The following AJAP1 variants were observed in gnomAD, a reference collection of about 807,000 sequenced individuals.
The protein encoded by AJAP1 is adherens junctions associated protein 1.
Under a neutral mutation model 35.0 loss-of-function variants are expected in AJAP1, and 5 were observed. The observed-to-expected ratio is 0.14, with a 90% CI of 0.07 to 0.30. The LOEUF is 0.30. AJAP1 is among the 10% of genes least tolerant of loss of function. The pLI is 1.00. For missense variants in AJAP1, 586 were observed against 571.0 expected (o/e 1.03, Z -0.27); for synonymous variants, 284 against 249.3 (o/e 1.14, Z -1.31).
Position 4,655,853 on chromosome 1 carries a change from C to A in AJAP1, c.29+399C>A, listed in dbSNP as rs1029404924. 6.6e-6 allele frequency among the ~76,000 whole-genome samples: 1 copy of A among 150,726 alleles called. No individual in the cohort carries two copies. The highest frequency in any genetic ancestry group is 2.4e-5 in the African/African-American group (1 of 41,248). ...CGGCGGGCGCGGGGGCCGGGGCTGC[C>A]GGGGAAAGCTAAAGCTCCGGGCTCC... On this transcript the variant is annotated intron_variant, in intron 1 of 5. Coordinates refer to ENST00000378191, the MANE Select transcript of AJAP1 (RefSeq NM_018836.4). This position sits in a 1 kb window ranked among gnomAD's most constrained non-coding sequence, Gnocchi z 6.9.
At chr1:4,728,970 C>T (rs1304794589) in intron 2 of AJAP1, among the ~76,000 whole-genome samples, 1 of 152,204 alleles carries the variant, frequency 6.6e-6, no homozygotes, top group African/African-American at 2.4e-5. Flanking sequence ...TTTCCATTAT[C>T]CCCTGAGGCT....
chr1:4,756,381 G>A (rs1168949699), intron 2 of AJAP1, among the ~76,000 whole-genome samples: 1 of 152,192 alleles, frequency 6.6e-6, no homozygotes, highest in East Asian at 1.9e-4. Context: ...GTGTGCGGTA[G>A]TCTCATGGCA....
At chr1:4,752,483 C>T (rs896967102) in intron 2 of AJAP1, among the ~76,000 whole-genome samples, 3 of 152,030 alleles carry the variant, frequency 2.0e-5, no homozygotes, top group South Asian at 2.1e-4. Flanking sequence ...CGCAATCTTA[C>T]GAGCTATGGG....
chr1:4,707,916 T>C (rs66885749), intron 1 of AJAP1, among the ~76,000 whole-genome samples: 18,423 of 150,114 alleles, frequency 0.12, 1,288 homozygotes, highest in Middle Eastern at 0.18. Flanking sequence ...TCATGTTCTC[T>C]GTCTTTCTGC....
At chr1:4,733,185 A>G (rs528600193) in intron 2 of AJAP1, among the ~76,000 whole-genome samples, 1 of 151,730 alleles carries the variant, frequency 6.6e-6, no homozygotes, top group Admixed American at 6.6e-5. Context: ...AGGTAGCAGA[A>G]CCCCCAGGGC....
intron 1 of AJAP1, among the ~76,000 whole-genome samples, chr1:4,694,656 C>A (rs1639818242): frequency 6.6e-6 from 1 of 152,214 alleles, no homozygotes; most frequent in African/African-American, 2.4e-5. Flanking sequence ...CCTTGGTGGG[C>A]AGGTGGAGGT....
intron 1 of AJAP1, among the ~76,000 whole-genome samples, chr1:4,673,906 C>T (rs1232560182): frequency 2.6e-5 from 4 of 151,810 alleles, no homozygotes; most frequent in African/African-American, 9.7e-5. Flanking sequence ...TGAATTGAAC[C>T]TCATTACTCC....
chr1:4,661,128 G>C (rs1638989493), intron 1 of AJAP1, among the ~76,000 whole-genome samples: 1 of 152,208 alleles, frequency 6.6e-6, no homozygotes, highest in South Asian at 2.1e-4. Context: ...TAAAAGAACT[G>C]GGGGCTGGGG....
chr1:4,712,817 A>C, intron 2 of AJAP1, 118 bp downstream of exon 2: 3 of 1,102,894 alleles, frequency 2.7e-6, no homozygotes, highest in Non-Finnish European at 3.8e-6. Flanking sequence ...CAGGAGATGC[A>C]GGCGTGATGT....
At chr1:4,667,854 T>C (rs1324550773) in intron 1 of AJAP1, among the ~76,000 whole-genome samples, 2 of 151,998 alleles carry the variant, frequency 1.3e-5, no homozygotes, top group East Asian at 3.9e-4. Flanking sequence ...CAGCACTGAG[T>C]GAACATGGAG....
chr1:4,745,938 C>A (rs567659705), intron 2 of AJAP1, among the ~76,000 whole-genome samples: 23 of 152,314 alleles, frequency 1.5e-4, no homozygotes, highest in Admixed American at 6.5e-5. Flanking sequence ...AGTGTCTCAG[C>A]CTCTCCCAGC....
chr1:4,728,402 G>A (rs1640719805), intron 2 of AJAP1, among the ~76,000 whole-genome samples: 1 of 152,190 alleles, frequency 6.6e-6, no homozygotes. Context: ...GTCTAAGCAT[G>A]AGGAATGCAC....
intron 2 of AJAP1, among the ~76,000 whole-genome samples, chr1:4,737,305 C>G (rs1158329833): frequency 2.0e-5 from 3 of 152,100 alleles, no homozygotes; most frequent in Non-Finnish European, 4.4e-5. Flanking sequence ...TGCCGAGTCC[C>G]TGGACAAGCC....
At chr1:4,764,380 C>A (rs771850853) in intron 2 of AJAP1, among the ~76,000 whole-genome samples, 1 of 152,184 alleles carries the variant, frequency 6.6e-6, no homozygotes, top group Non-Finnish European at 1.5e-5. Flanking sequence ...GAGCAACTGA[C>A]TCAGACGAAG....
intron 2 of AJAP1, among the ~76,000 whole-genome samples, chr1:4,769,638 C>T (rs949044865): frequency 6.6e-6 from 1 of 152,284 alleles, no homozygotes; most frequent in South Asian, 2.1e-4. Context: ...GGAGCTCCCC[C>T]TTCCTGGACC....
At chr1:4,679,808 G>GGTGTGTGTGT (rs60846836) in intron 1 of AJAP1, among the ~76,000 whole-genome samples, 1,522 of 142,376 alleles carry the variant, frequency 0.011, 23 homozygotes, top group East Asian at 0.052. Context: ...GAACCAATAG[G>GGTGTGTGTGT]GTGTGTGTGT....
At chr1:4,662,176 A>G (rs762368942) in intron 1 of AJAP1, among the ~76,000 whole-genome samples, 8 of 152,154 alleles carry the variant, frequency 5.3e-5, no homozygotes, top group Non-Finnish European at 1.2e-4. Flanking sequence ...TTGCACAACT[A>G]TTGCCATGGT....
At chr1:4,678,427 G>A (rs1403117378) in intron 1 of AJAP1, among the ~76,000 whole-genome samples, 1 of 152,210 alleles carries the variant, frequency 6.6e-6, no homozygotes, top group Non-Finnish European at 1.5e-5. Flanking sequence ...TGTTGGCCGG[G>A]TCTGTGATCT....
chr1:4,776,134 CG>C (rs1384773575), intron 5 of AJAP1, among the ~76,000 whole-genome samples: 4 of 152,346 alleles, frequency 2.6e-5, no homozygotes, highest in Non-Finnish European at 5.9e-5. Flanking sequence ...GAGGTCAACT[CG>C]GGGGGACAGC....
Sources: gnomAD v4.1 joint callset for allele counts (sites outside exome capture counted in the v4.1 genomes callset) on GRCh38, gnomAD v4.1.1 for gene constraint, Gnocchi (gnomAD v3.1) non-coding constraint, MANE v1.5 for transcripts, NCBI Gene and HGNC (gene_info 2026-07-23, HGNC 2026-07-21) for gene names.